Variants in PLCB4 observed in about 807,000 individuals in gnomAD.
PLCB4 encodes phospholipase C beta 4.
Under a neutral mutation model 178.8 loss-of-function variants are expected in PLCB4, and 77 were observed. The ratio of observed to expected loss-of-function variants is 0.43; its 90% CI spans 0.36 to 0.52. The LOEUF (loss-of-function observed/expected upper bound fraction) is 0.52, where lower values mean the gene tolerates loss of function less well. Among genes scored for constraint, PLCB4 ranks in the 20% least tolerant of loss-of-function variants. PLCB4 has a pLI of 0.00. For synonymous variants in PLCB4, 496 were observed against 490.8 expected (o/e 1.01, Z -0.14); for missense variants, 1,024 against 1,453.4 (o/e 0.70, Z 4.80).
intron 35 of PLCB4, among the ~76,000 whole-genome samples, chr20:9,464,997 C>G (rs1298405918): frequency 1.3e-5 from 2 of 152,134 alleles, no homozygotes; most frequent in Non-Finnish European, 2.9e-5. Context: ...AATTTTAGAC[C>G]AATATCCCTG....
At chr20:9,308,867 G>A (rs766438589) in intron 4 of PLCB4, among the ~76,000 whole-genome samples, 17 of 152,172 alleles carry the variant, frequency 1.1e-4, no homozygotes, top group Non-Finnish European at 2.5e-4. Flanking sequence ...AAATATTGAA[G>A]TAATAGCTGT....
chr20:9,203,266 G>C (rs149198922), intron 2 of PLCB4, among the ~76,000 whole-genome samples: 1 of 151,890 alleles, frequency 6.6e-6, no homozygotes, highest in East Asian at 1.9e-4. Context: ...TGTAAAACCA[G>C]CCTGTTTCCA....
At chr20:9,360,865 A>G (rs2035263072) in intron 7 of PLCB4, among the ~76,000 whole-genome samples, 1 of 152,230 alleles carries the variant, frequency 6.6e-6, no homozygotes, top group Non-Finnish European at 1.5e-5. Context: ...TACCTCTTAT[A>G]ACCCCTAAGT....
intron 3 of PLCB4, among the ~76,000 whole-genome samples, chr20:9,295,313 C>T (rs972322989): frequency 6.6e-6 from 1 of 152,126 alleles, no homozygotes; most frequent in Non-Finnish European, 1.5e-5. Flanking sequence ...AAAGTATAGA[C>T]ATCCACCATG....
chr20:9,117,008 C>T (rs774796219), intron 2 of PLCB4, among the ~76,000 whole-genome samples: 8 of 152,204 alleles, frequency 5.3e-5, no homozygotes, highest in South Asian at 2.1e-4. Flanking sequence ...TATACGAAAG[C>T]GTTGGTTTTT....
At chr20:9,448,315 A>G (rs2042540548) in intron 32 of PLCB4, among the ~76,000 whole-genome samples, 1 of 152,150 alleles carries the variant, frequency 6.6e-6, no homozygotes, top group Non-Finnish European at 1.5e-5. Context: ...CCCAACATGG[A>G]GCTAAGGCTT....
chr20:9,178,512 T>A (rs868555056), intron 2 of PLCB4, among the ~76,000 whole-genome samples: 1 of 151,884 alleles, frequency 6.6e-6, no homozygotes, highest in Non-Finnish European at 1.5e-5. Context: ...TAGCATTAAG[T>A]AATATTCATA....
intron 1 of PLCB4, among the ~76,000 whole-genome samples, chr20:9,069,760 T>A (rs558516776): frequency 6.6e-6 from 1 of 152,188 alleles, no homozygotes; most frequent in Non-Finnish European, 1.5e-5. Flanking sequence ...GAGTGTAGAC[T>A]TCGTATATGG....
intron 3 of PLCB4, among the ~76,000 whole-genome samples, chr20:9,275,963 T>C (rs1312193875): frequency 1.3e-5 from 2 of 152,058 alleles, no homozygotes; most frequent in East Asian, 3.9e-4. Context: ...TCAGAGCTTA[T>C]ACTTTTAACC....
chr20:9,322,888 A>G (rs899255809), intron 4 of PLCB4, among the ~76,000 whole-genome samples: 11 of 152,216 alleles, frequency 7.2e-5, no homozygotes, highest in African/African-American at 2.2e-4. Flanking sequence ...AAGAGATGTG[A>G]CCATGAGTCA....
intron 4 of PLCB4, among the ~76,000 whole-genome samples, chr20:9,323,885 A>G (rs2029899752): frequency 6.6e-6 from 1 of 152,126 alleles, no homozygotes; most frequent in Non-Finnish European, 1.5e-5. Context: ...CTGCAAGCTG[A>G]GACAATTCCT....
chr20:9,479,870 G>A lies in PLCB4; in HGVS notation c.*861G>A, dbSNP rs1235958959. Reference sequence around the variant, plus strand: ...TAGTAAACAGGAATACTAGAACTATGTTTGCATGATACACAAGCACCAATA... The same window carrying A: ...TAGTAAACAGGAATACTAGAACTATATTTGCATGATACACAAGCACCAATA... On this transcript the variant is annotated 3_prime_UTR_variant, in exon 40 of 40. Coordinates refer to ENST00000378473, the MANE Select transcript of PLCB4 (RefSeq NM_001377142.1). The A allele has an allele frequency of 6.6e-6, 1 of 152,460 alleles. No homozygotes were observed. 9.4% of individuals were successfully genotyped at this position (152,460 alleles called of 1,614,324 possible).
At chr20:9,385,656 A>T (rs563751745) in intron 14 of PLCB4, among the ~76,000 whole-genome samples, 1 of 130,194 alleles carries the variant, frequency 7.7e-6, no homozygotes, top group African/African-American at 3.0e-5. Context: ...CACCTCCCAG[A>T]TGGGGTGGTG....
chr20:9,367,138 C>G (rs531361192), intron 9 of PLCB4, among the ~76,000 whole-genome samples: 1 of 152,202 alleles, frequency 6.6e-6, no homozygotes, highest in Non-Finnish European at 1.5e-5. Context: ...TCATATTTAA[C>G]AGAATTGTCC....
chr20:9,391,030 A>C (rs2038096154), intron 17 of PLCB4, among the ~76,000 whole-genome samples: 1 of 152,140 alleles, frequency 6.6e-6, no homozygotes, highest in Non-Finnish European at 1.5e-5. Flanking sequence ...CCTCCAGGTG[A>C]ACTGTATATG....
At position 9,086,861 on chromosome 20, in the gene PLCB4, G is replaced by A. The variant is rs546831307; in HGVS notation, c.-134-9426G>A. Among the ~76,000 whole-genome samples the A allele has an allele frequency of 2.6e-4, 40 of 152,170 alleles. No homozygotes were observed. The South Asian group carries it at 5.6e-3, about 21-fold the overall frequency. ...CTTGAGCAAGTCATTTCACATCACC[G>A]GTTTAAATGAAGGGCTTAGGCTTCT... On this transcript the variant is annotated intron_variant, in intron 1 of 39. Coordinates refer to ENST00000378473, the MANE Select transcript of PLCB4 (RefSeq NM_001377142.1).
chr20:9,142,561 A>T (rs570739202), intron 2 of PLCB4, among the ~76,000 whole-genome samples: 3 of 152,286 alleles, frequency 2.0e-5, no homozygotes, highest in South Asian at 4.1e-4. Context: ...GTGAAAAAAG[A>T]ATGTCCCATA....
intron 2 of PLCB4, among the ~76,000 whole-genome samples, chr20:9,163,492 G>A (rs971536488): frequency 6.6e-6 from 1 of 151,816 alleles, no homozygotes; most frequent in Non-Finnish European, 1.5e-5. Context: ...AGCAGAACTT[G>A]TTCCTCTTTT....
intron 1 of PLCB4, among the ~76,000 whole-genome samples, chr20:9,080,112 A>T (rs762383043): frequency 7.2e-5 from 11 of 152,210 alleles, no homozygotes; most frequent in Non-Finnish European, 1.0e-4. Context: ...ATTTTCCTTC[A>T]AGGAAGTCAA....
Sources: allele counts gnomAD v4.1 joint callset (sites outside exome capture counted in the v4.1 genomes callset), GRCh38; gene constraint gnomAD v4.1.1; transcripts MANE v1.5; gene names NCBI Gene and HGNC (gene_info 2026-07-23, HGNC 2026-07-21).